The following EBF3 variants were observed in gnomAD, a reference collection of about 807,000 sequenced individuals.
The protein encoded by EBF3 is EBF transcription factor 3.
Under a neutral mutation model 77.1 loss-of-function variants are expected in EBF3, and 18 were observed. The ratio of observed to expected loss-of-function variants is 0.23; its 90% CI spans 0.16 to 0.35. The LOEUF is 0.35. EBF3 is among the 10% of genes least tolerant of loss of function. EBF3 has a pLI of 1.00. For synonymous variants in EBF3, 350 were observed against 343.5 expected (o/e 1.02, Z -0.21); for missense variants, 558 against 860.0 (o/e 0.65, Z 4.39).
At chr10:129,936,813 T>C (rs1857397320) in intron 6 of EBF3, among the ~76,000 whole-genome samples, 1 of 152,008 alleles carries the variant, frequency 6.6e-6, no homozygotes, top group African/African-American at 2.4e-5. Context: ...CAGGGGACTG[T>C]GGGGGCTCCA....
chr10:129,961,639 G>C (rs549900253), intron 4 of EBF3, among the ~76,000 whole-genome samples: 1 of 152,148 alleles, frequency 6.6e-6, no homozygotes, highest in Non-Finnish European at 1.5e-5. Context: ...GAGCTGGGGG[G>C]CTGCGAGGTG....
At chr10:129,948,611 C>T (rs930326038) in intron 6 of EBF3, among the ~76,000 whole-genome samples, 1 of 46,728 alleles carries the variant, frequency 2.1e-5, no homozygotes, top group East Asian at 5.7e-4. Context: ...GACGTTAACA[C>T]TGGGGGAAAC....
chr10:129,924,616 T>A (rs1856540515), intron 6 of EBF3, among the ~76,000 whole-genome samples: 1 of 152,142 alleles, frequency 6.6e-6, no homozygotes, highest in African/African-American at 2.4e-5. Context: ...ATCCCACATC[T>A]CCGTGTATAC....
intron 6 of EBF3, among the ~76,000 whole-genome samples, chr10:129,928,383 C>T (rs1471975465): frequency 6.6e-6 from 1 of 152,204 alleles, no homozygotes; most frequent in Non-Finnish European, 1.5e-5. Flanking sequence ...AAACTGGGAT[C>T]ATCCAGTACA....
rs566289988 is a variant in EBF3, at chr10:129,914,640, G to A, written c.555-36791C>T. Among the ~76,000 whole-genome samples the A allele has an allele frequency of 2.0e-5, 3 of 152,278 alleles. No individual in the cohort carries two copies. The South Asian group carries it at 6.2e-4, about 32-fold the overall frequency. On this transcript the variant is annotated intron_variant, in intron 6 of 16. Transcript: ENST00000440978. ...CTGAGCCCTGGGCAGCAGGGGCCAC[G>A]GGCACAGAAGACCCACTGTGCGGCC...
chr10:129,926,443 T>A (rs1856676020), intron 6 of EBF3, among the ~76,000 whole-genome samples: 1 of 152,104 alleles, frequency 6.6e-6, no homozygotes, highest in African/African-American at 2.4e-5. Flanking sequence ...CAGGTGGAGC[T>A]GGCACCACAC....
chr10:129,852,235 G>T (rs1328545614), intron 10 of EBF3, among the ~76,000 whole-genome samples: 1 of 152,188 alleles, frequency 6.6e-6, no homozygotes, highest in Non-Finnish European at 1.5e-5. Context: ...GAGTGTACTG[G>T]AGTTAATCTC....
rs533496387 is a variant in EBF3 at position 129,925,420 on chromosome 10, G to A, written c.554+31838C>T. 3.1e-3 allele frequency among the ~76,000 whole-genome samples: 468 copies of A among 151,846 alleles called. 2 individuals carry two copies. Among genetic ancestry groups the A allele is most frequent in the African/African-American group, 0.011 (436 of 41,410 alleles). The stretch of plus-strand genomic sequence containing the variant: ...GGCTGGCCAACATAGTGAGACCCCC[G>A]TTTCTACTAAAAATACAAAAAATTA... On this transcript the variant is annotated intron_variant, in intron 6 of 16. Transcript: ENST00000440978.
chr10:129,882,864 T>C (rs1033129864), intron 6 of EBF3, among the ~76,000 whole-genome samples: 1 of 152,208 alleles, frequency 6.6e-6, no homozygotes, highest in Non-Finnish European at 1.5e-5. Context: ...ATACAGCCCA[T>C]CCTCACCGCC....
At chr10:129,881,749 G>A (rs536097714) in intron 6 of EBF3, among the ~76,000 whole-genome samples, 3 of 152,158 alleles carry the variant, frequency 2.0e-5, no homozygotes, top group Non-Finnish European at 2.9e-5. Context: ...GGGCACAGTC[G>A]GGCCCTGTGC....
At position 129,848,942 on chromosome 10, in the gene EBF3, G is replaced by A. The variant is rs1564822690; in HGVS notation, c.1040-462C>T. Reference sequence around the variant, plus strand: ...ATATTGCCTGAGCACAAACCAGGCAGGAGGAGCACTTATTCTTGCAAAGCT... The same window carrying A: ...ATATTGCCTGAGCACAAACCAGGCAAGAGGAGCACTTATTCTTGCAAAGCT... On this transcript the variant is annotated intron_variant, in intron 10 of 16. Transcript: ENST00000440978. The surrounding 1 kb of genome is among the most constrained non-coding windows in gnomAD (Gnocchi z 4.4). Among the ~76,000 whole-genome samples, 1 of 152,244 alleles carries A rather than the reference G, an allele frequency of 6.6e-6. No individual in the cohort carries two copies. Among genetic ancestry groups the A allele is most frequent in the Non-Finnish European group, 1.5e-5 (1 of 68,046 alleles).
intron 6 of EBF3, among the ~76,000 whole-genome samples, chr10:129,922,667 G>T (rs930099787): frequency 1.3e-5 from 2 of 152,258 alleles, no homozygotes; most frequent in African/African-American, 4.8e-5. Flanking sequence ...TGCCCTGCAT[G>T]ATGCCAGCCA....
At chr10:129,859,524 C>T (rs950247753) in intron 10 of EBF3, among the ~76,000 whole-genome samples, 1 of 152,244 alleles carries the variant, frequency 6.6e-6, no homozygotes, top group Non-Finnish European at 1.5e-5. Flanking sequence ...CACGCCTAGC[C>T]TCATTATGCA....
intron 6 of EBF3, among the ~76,000 whole-genome samples, chr10:129,936,176 T>C (rs1857345518): frequency 6.6e-6 from 1 of 152,202 alleles, no homozygotes; most frequent in Non-Finnish European, 1.5e-5. Flanking sequence ...CTGACAGTTA[T>C]AAAGTCCCCT....
Position 129,963,060 on chromosome 10 carries a change from C to T in EBF3, c.292-55G>A. On this transcript the variant is annotated intron_variant, in intron 2 of 16. Coordinates refer to ENST00000440978, the MANE Select transcript of EBF3 (RefSeq NM_001375380.1). The surrounding 1 kb of genome is among the most constrained non-coding windows in gnomAD (Gnocchi z 7.1). The stretch of plus-strand genomic sequence containing the variant: ...GTGCGATCGGTGTCAGGCGCGGCCA[C>T]CACGCTCGGTCCCCCTCCGCGACCG... The T allele has an allele frequency of 1.2e-6, 2 of 1,606,604 alleles. No homozygotes were observed. The highest frequency in any genetic ancestry group is 1.1e-5 in the South Asian group (1 of 90,914).
intron 6 of EBF3, among the ~76,000 whole-genome samples, chr10:129,924,430 C>CAACAACAAAAAAA (rs1856514049): frequency 9.2e-6 from 1 of 108,454 alleles, no homozygotes; most frequent in Admixed American, 9.8e-5. Flanking sequence ...ACAACAACAA[C>CAACAACAAAAAAA]AAAAAAAAAA....
intron 6 of EBF3, among the ~76,000 whole-genome samples, chr10:129,878,907 C>T (rs992675249): frequency 1.1e-4 from 17 of 148,572 alleles, no homozygotes; most frequent in African/African-American, 4.0e-4. Context: ...GGTAATGAAA[C>T]TGTTGCTGAG....
rs573741416 is a variant in EBF3, at chr10:129,842,621, G to A, written c.1195-328C>T. ...TCTAATGAAAATACAAAAATTAGCC[G>A]GGTGTGTTGGCAAACGCCTGTAATC... is the stretch of plus-strand genomic sequence containing the variant. On this transcript the variant is annotated intron_variant, in intron 12 of 16. Transcript: ENST00000440978. This position sits in a 1 kb window ranked among gnomAD's most constrained non-coding sequence, Gnocchi z 4.4. Among the ~76,000 whole-genome samples the A allele has an allele frequency of 1.4e-4, 21 of 152,128 alleles. No homozygotes were observed. Among genetic ancestry groups the A allele is most frequent in the African/African-American group, 3.9e-4 (16 of 41,506 alleles).
At chr10:129,890,933 C>A (rs1364134637) in intron 6 of EBF3, among the ~76,000 whole-genome samples, 1 of 152,220 alleles carries the variant, frequency 6.6e-6, no homozygotes, top group Non-Finnish European at 1.5e-5. Context: ...AAAGATTAAA[C>A]ATTCAATTTG....
Sources: allele counts gnomAD v4.1 joint callset (sites outside exome capture counted in the v4.1 genomes callset), GRCh38; gene constraint gnomAD v4.1.1; non-coding constraint Gnocchi (gnomAD v3.1); transcripts MANE v1.5; gene names NCBI Gene and HGNC (gene_info 2026-07-23, HGNC 2026-07-21).